The following SPATA17 variants were observed in gnomAD, a reference collection of about 807,000 sequenced individuals.
SPATA17 encodes spermatogenesis-associated protein 17.
In SPATA17, 53 loss-of-function variants were observed where a neutral mutation model predicts 62.2. The observed-to-expected ratio is 0.85, with a 90% CI of 0.68 to 1.07. SPATA17 has a LOEUF of 1.07. Among genes scored for constraint, SPATA17 ranks in the 50% least tolerant of loss-of-function variants. The pLI is 0.00. For missense variants in SPATA17, 466 were observed against 425.5 expected (o/e 1.10, Z -0.84); for synonymous variants, 146 against 146.8 (o/e 0.99, Z 0.04).
At chr1:217,653,466 T>G (rs1405003262) in intron 3 of SPATA17, among the ~76,000 whole-genome samples, 1 of 152,212 alleles carries the variant, frequency 6.6e-6, no homozygotes, top group Non-Finnish European at 1.5e-5. Context: ...GGATAATTTG[T>G]ATTTCCTTCA....
chr1:217,664,534 A>G (rs1305479025), intron 3 of SPATA17, among the ~76,000 whole-genome samples: 3 of 151,938 alleles, frequency 2.0e-5, no homozygotes, highest in Non-Finnish European at 4.4e-5. Context: ...ACCTCCAGTG[A>G]TCTGCCCACC....
intron 3 of SPATA17, among the ~76,000 whole-genome samples, chr1:217,664,616 C>A (rs181865459): frequency 6.6e-6 from 1 of 151,898 alleles, no homozygotes; most frequent in Admixed American, 6.6e-5. Context: ...TACCCTATAG[C>A]GGGAGCAGGT....
intron 6 of SPATA17, among the ~76,000 whole-genome samples, chr1:217,767,107 C>G (rs957071588): frequency 6.6e-6 from 1 of 151,972 alleles, no homozygotes; most frequent in Non-Finnish European, 1.5e-5. Flanking sequence ...CTTTATTTCT[C>G]CTTTATATTA....
rs189441732 is a variant in SPATA17 at position 217,835,817 on chromosome 1, A to T, written c.1006-26957A>T. Among the ~76,000 whole-genome samples, 3 of 152,210 alleles carry T rather than the reference A, an allele frequency of 2.0e-5. No homozygotes were observed. In the East Asian group the frequency reaches 5.8e-4, roughly 29 times the overall value. ...GCAACTTCTCCGATTACTCCTGTAG[A>T]TAACATCACTATTGTAGAAGCTATG... On this transcript the variant is annotated intron_variant, in intron 9 of 10. Transcript: ENST00000366933.
chr1:217,649,669 A>T (rs1177746063), intron 2 of SPATA17, among the ~76,000 whole-genome samples: 1 of 151,900 alleles, frequency 6.6e-6, no homozygotes, highest in Admixed American at 6.6e-5. Context: ...AAAATGACGC[A>T]TGGATGATGT....
chr1:217,725,710 G>A (rs1396215724), intron 5 of SPATA17, among the ~76,000 whole-genome samples: 2 of 152,080 alleles, frequency 1.3e-5, no homozygotes, highest in Non-Finnish European at 1.5e-5. Flanking sequence ...TGATCGGCCC[G>A]TCTCAGCCTC....
intron 5 of SPATA17, among the ~76,000 whole-genome samples, chr1:217,740,691 A>G (rs959522332): frequency 6.6e-6 from 1 of 152,208 alleles, no homozygotes; most frequent in Non-Finnish European, 1.5e-5. Flanking sequence ...CAGCTTGCCA[A>G]CACAATCTAA....
chr1:217,869,346 C>G lies in SPATA17; in HGVS notation c.*2327C>G, dbSNP rs577493073. The G allele has an allele frequency of 2.4e-4, 37 of 152,146 alleles. No individual in the cohort carries two copies. The highest frequency in any genetic ancestry group is 8.4e-4 in the African/African-American group (35 of 41,544). 9.4% of individuals were successfully genotyped at this position (152,146 alleles called of 1,614,324 possible). On this transcript the variant is annotated 3_prime_UTR_variant, in exon 11 of 11. Coordinates refer to ENST00000366933, the MANE Select transcript of SPATA17 (RefSeq NM_138796.4). ...TTTACCTGGATTAAAATAAGGGGAC[C>G]AAGGTTCTCATGCAGATGAAGCCTC...
At chr1:217,699,598 G>A (rs1671545683) in intron 5 of SPATA17, among the ~76,000 whole-genome samples, 1 of 151,972 alleles carries the variant, frequency 6.6e-6, no homozygotes, top group Non-Finnish European at 1.5e-5. Context: ...AATGTATTCT[G>A]GATACATATT....
chr1:217,815,612 T>A (rs1420806240), intron 9 of SPATA17, among the ~76,000 whole-genome samples: 1 of 152,196 alleles, frequency 6.6e-6, no homozygotes, highest in Non-Finnish European at 1.5e-5. Flanking sequence ...TAGGTGACGT[T>A]GTGAAGGTGT....
intron 6 of SPATA17, among the ~76,000 whole-genome samples, chr1:217,748,040 A>G (rs1672806204): frequency 6.6e-6 from 1 of 152,208 alleles, no homozygotes; most frequent in African/African-American, 2.4e-5. Context: ...GCGGTGGCTC[A>G]CGCCTGTAAT....
chr1:217,740,753 A>G (rs1672610233), intron 5 of SPATA17, among the ~76,000 whole-genome samples: 1 of 152,238 alleles, frequency 6.6e-6, no homozygotes, highest in South Asian at 2.1e-4. Context: ...AATACTATGC[A>G]TAAAGTAAAA....
At chr1:217,683,149 C>G (rs1291561168) in intron 4 of SPATA17, 109 bp from the exon 5 acceptor site, 7 of 650,142 alleles carry the variant, frequency 1.1e-5, no homozygotes, top group African/African-American at 3.8e-5. Flanking sequence ...AAGCCCAAGA[C>G]TTTATTTGAT....
chr1:217,635,073 G>C (rs1669906874), intron 1 of SPATA17, among the ~76,000 whole-genome samples: 1 of 152,158 alleles, frequency 6.6e-6, no homozygotes, highest in African/African-American at 2.4e-5. Context: ...TATTGATCAT[G>C]TTGTTCATTT....
At chr1:217,817,763 T>C (rs1674759110) in intron 9 of SPATA17, among the ~76,000 whole-genome samples, 1 of 152,096 alleles carries the variant, frequency 6.6e-6, no homozygotes. Context: ...CTAGGTACAA[T>C]TTTCTGATCT....
intron 5 of SPATA17, among the ~76,000 whole-genome samples, chr1:217,714,262 G>A (rs534325604): frequency 5.9e-5 from 9 of 151,850 alleles, no homozygotes; most frequent in South Asian, 2.1e-4. Context: ...GGTGGCAGGC[G>A]CGTGTAATCC....
At chr1:217,764,411 A>G (rs1253277019) in intron 6 of SPATA17, among the ~76,000 whole-genome samples, 2 of 152,042 alleles carry the variant, frequency 1.3e-5, no homozygotes, top group Non-Finnish European at 2.9e-5. Context: ...TCATGGTGTG[A>G]TAGGTCATTG....
At chr1:217,757,131 G>T (rs2102959949) in intron 6 of SPATA17, among the ~76,000 whole-genome samples, 1 of 152,292 alleles carries the variant, frequency 6.6e-6, no homozygotes, top group African/African-American at 2.4e-5. Context: ...TTGCCAAAGT[G>T]CTGTTATGGA....
intron 9 of SPATA17, chr1:217,850,422 CT>C: frequency 7.8e-7 from 1 of 1,277,506 alleles, no homozygotes; most frequent in Non-Finnish European, 1.1e-6. Flanking sequence ...ATCTCAGACG[CT>C]GGACCAGGTA....
Sources: allele counts gnomAD v4.1 joint callset (sites outside exome capture counted in the v4.1 genomes callset), GRCh38; gene constraint gnomAD v4.1.1; transcripts MANE v1.5; gene names NCBI Gene and HGNC (gene_info 2026-07-23, HGNC 2026-07-21).